HRH1: variants seen among roughly 807,000 people sequenced by gnomAD.
HRH1 encodes histamine receptor H1, also known as histamine H1 receptor.
Under a neutral mutation model 10.3 loss-of-function variants are expected in HRH1, and 6 were observed. The observed-to-expected ratio is 0.58, with a 90% confidence interval of 0.32 to 1.15. HRH1 has a LOEUF of 1.15. Among genes scored for constraint, HRH1 ranks in the 50% most tolerant of loss-of-function variants. The pLI is 0.05. For missense variants in HRH1, 514 were observed against 615.3 expected (o/e 0.84, Z 1.74); for synonymous variants, 242 against 236.7 (o/e 1.02, Z -0.21).
In HRH1 at chr3:11,261,968, C is replaced by T. The variant is rs1055367004; in HGVS notation, c.*1467C>T. On this transcript the variant is annotated 3_prime_UTR_variant, in exon 2 of 2. Transcript: ENST00000431010. ...AGACGAACAGCTGACATGGAGTTCC[C>T]GTGCACCTACGGAAGGGGACGCTTT... The T allele has an allele frequency of 6.0e-6, 1 of 167,062 alleles. No individual in the cohort carries two copies. The highest frequency in any genetic ancestry group is 2.4e-5 in the African/African-American group (1 of 41,446). 10.3% of individuals were successfully genotyped at this position (167,062 alleles called of 1,614,324 possible). A position where few individuals can be genotyped will look rare whatever the true frequency, so the allele number is the denominator to read the frequency against.
At chr3:11,201,316 G>T (rs1390904886) in intron 1 of HRH1, among the ~76,000 whole-genome samples, 1 of 152,194 alleles carries the variant, frequency 6.6e-6, no homozygotes, top group African/African-American at 2.4e-5. Context: ...TTTGCCAGGT[G>T]CTCAGATGGA....
At chr3:11,258,942 C>A in intron 1 of HRH1, 61 bp from the exon 2 acceptor site, 1 of 1,185,674 alleles carries the variant, frequency 8.4e-7, no homozygotes, top group Non-Finnish European at 1.2e-6. Flanking sequence ...GAACATCATG[C>A]TACTAAGTGG....
At chr3:11,236,678 G>A (rs563833446) in intron 1 of HRH1, among the ~76,000 whole-genome samples, 2 of 152,308 alleles carry the variant, frequency 1.3e-5, no homozygotes, top group East Asian at 3.9e-4. Flanking sequence ...GAACCAGATC[G>A]AGTCACACTC....
chr3:11,219,287 T>C (rs1308875782), intron 1 of HRH1, among the ~76,000 whole-genome samples: 6 of 152,176 alleles, frequency 3.9e-5, no homozygotes, highest in Non-Finnish European at 7.4e-5. Flanking sequence ...AATGGATTAT[T>C]ATAAGAATTC....
chr3:11,195,853 C>G (rs10470636), intron 1 of HRH1, among the ~76,000 whole-genome samples: 32,953 of 152,180 alleles, frequency 0.22, 3,957 homozygotes, highest in Non-Finnish European at 0.27. Flanking sequence ...TGTCTCTCTT[C>G]CAGTTACTTC....
chr3:11,176,168 CAAAA>C (rs3082255), intron 1 of HRH1, among the ~76,000 whole-genome samples: 1 of 120,052 alleles, frequency 8.3e-6, no homozygotes, highest in Admixed American at 8.5e-5. Context: ...GAACCTGTCT[CAAAA>C]AAAAAAAAAA....
At position 11,261,978 on chromosome 3, in the gene HRH1, C is replaced by T. The variant is rs201727624; in HGVS notation, c.*1477C>T. Reference sequence around the variant, plus strand: ...CTGACATGGAGTTCCCGTGCACCTACGGAAGGGGACGCTTTGAAGGAACCA... The same window carrying T: ...CTGACATGGAGTTCCCGTGCACCTATGGAAGGGGACGCTTTGAAGGAACCA... On this transcript the variant is annotated 3_prime_UTR_variant, in exon 2 of 2. Transcript: ENST00000431010. 7.2e-4 allele frequency: 121 copies of T among 167,176 alleles called. No homozygotes were observed. Among genetic ancestry groups the T allele is most frequent in the Non-Finnish European group, 1.3e-3 (88 of 68,114 alleles). The allele number at this position is 167,176 out of a possible 1,614,324, so 10.4% of individuals were successfully genotyped here. A position where few individuals can be genotyped will look rare whatever the true frequency, so the allele number is the denominator to read the frequency against.
chr3:11,160,121 T>C (rs1159218773), intron 1 of HRH1, among the ~76,000 whole-genome samples: 1 of 152,218 alleles, frequency 6.6e-6, no homozygotes, highest in Non-Finnish European at 1.5e-5. Context: ...TGGCCACAGA[T>C]TGAGGGACAG....
At chr3:11,222,632 G>A (rs943813157) in intron 1 of HRH1, among the ~76,000 whole-genome samples, 7 of 152,042 alleles carry the variant, frequency 4.6e-5, no homozygotes, top group African/African-American at 1.7e-4. Flanking sequence ...GCAGGCTGAC[G>A]GGAAAGTACA....
chr3:11,139,458 T>G (rs1021032456), intron 1 of HRH1, among the ~76,000 whole-genome samples: 4 of 151,930 alleles, frequency 2.6e-5, no homozygotes, highest in Admixed American at 2.0e-4. Context: ...TTTTATATAT[T>G]TGGTAGAGAC....
intron 1 of HRH1, among the ~76,000 whole-genome samples, chr3:11,231,066 C>A (rs545466464): frequency 1.3e-5 from 2 of 152,186 alleles, no homozygotes; most frequent in Non-Finnish European, 2.9e-5. Context: ...GTAATGGTGT[C>A]ATTTCAGGAA....
At chr3:11,140,004 AT>A (rs906610846) in intron 1 of HRH1, among the ~76,000 whole-genome samples, 3 of 151,910 alleles carry the variant, frequency 2.0e-5, no homozygotes, top group African/African-American at 4.8e-5. Flanking sequence ...CATAAAAAAA[AT>A]TTTTTTTTAA....
intron 1 of HRH1, among the ~76,000 whole-genome samples, chr3:11,233,718 T>G (rs1163549909): frequency 6.6e-6 from 1 of 152,144 alleles, no homozygotes; most frequent in Non-Finnish European, 1.5e-5. Context: ...AACCAAAATG[T>G]ATCGGGAATG....
intron 1 of HRH1, among the ~76,000 whole-genome samples, chr3:11,177,435 C>T (rs1937269065): frequency 6.6e-6 from 1 of 152,146 alleles, no homozygotes; most frequent in Non-Finnish European, 1.5e-5. Flanking sequence ...CATTCTTTTG[C>T]TGATGAACTC....
intron 1 of HRH1, among the ~76,000 whole-genome samples, chr3:11,147,713 A>G (rs757994321): frequency 4.6e-5 from 7 of 152,236 alleles, no homozygotes; most frequent in Admixed American, 2.0e-4. Context: ...CTACACCCAG[A>G]TGAAGCTGAT....
chr3:11,153,493 C>G (rs1406042104), upstream of HRH1, among the ~76,000 whole-genome samples: 2 of 151,926 alleles, frequency 1.3e-5, no homozygotes, highest in African/African-American at 4.8e-5. Flanking sequence ...CCCCTCTGAC[C>G]CCCACCCCCA....
intron 1 of HRH1, among the ~76,000 whole-genome samples, chr3:11,216,409 G>A (rs1238496062): frequency 6.6e-6 from 1 of 152,186 alleles, no homozygotes; most frequent in Non-Finnish European, 1.5e-5. Context: ...ACAAAATGTG[G>A]CGTATTCATA....
chr3:11,147,737 C>T (rs1936486892), intron 1 of HRH1, among the ~76,000 whole-genome samples: 1 of 152,204 alleles, frequency 6.6e-6, no homozygotes, highest in South Asian at 2.1e-4. Context: ...ATTATTATCC[C>T]CATTTTACAG....
chr3:11,257,268 A>ATCTTAAAAACTCCTTCCAGAAGATTT (rs1199448830), intron 1 of HRH1, among the ~76,000 whole-genome samples: 2 of 150,322 alleles, frequency 1.3e-5, no homozygotes, highest in East Asian at 3.9e-4. Context: ...AAAAAAAAAA[A>ATCTTAAAAACTCCTTCCAGAAGATTT]AAAATGGCTG....
Sources: gnomAD v4.1 joint callset for allele counts (sites outside exome capture counted in the v4.1 genomes callset) on GRCh38, gnomAD v4.1.1 for gene constraint, MANE v1.5 for transcripts, NCBI Gene and HGNC (gene_info 2026-07-23, HGNC 2026-07-21) for gene names.